NDST4: variants seen among roughly 807,000 people sequenced by gnomAD.
NDST4 encodes N-deacetylase and N-sulfotransferase 4.
Under a neutral mutation model 100.8 loss-of-function variants are expected in NDST4, and 63 were observed. That is an observed-to-expected ratio of 0.62 (90% CI 0.51 to 0.77). The LOEUF (loss-of-function observed/expected upper bound fraction) is 0.77. Among genes scored for constraint, NDST4 ranks in the 30% least tolerant of loss-of-function variants. The pLI is 0.00. For synonymous variants in NDST4, 377 were observed against 361.8 expected (o/e 1.04, Z -0.48); for missense variants, 943 against 1,018.4 (o/e 0.93, Z 1.01).
At chr4:115,098,941 C>T (rs1020309300) in intron 1 of NDST4, among the ~76,000 whole-genome samples, 1 of 152,160 alleles carries the variant, frequency 6.6e-6, no homozygotes, top group Non-Finnish European at 1.5e-5. Flanking sequence ...TTCCTGGGCT[C>T]AAGCAGTCCT....
Position 115,076,796 on chromosome 4 carries a change from G to A in NDST4, c.241C>T (p.Leu81Phe). 1.2e-6 allele frequency: 2 copies of A among 1,613,948 alleles called. No individual in the cohort carries two copies. Among genetic ancestry groups the A allele is most frequent in the Non-Finnish European group, 1.7e-6 (2 of 1,179,918 alleles). ...IDTSKTDPTV[L>F]LFVESQYSQL... ...GAGTATTGGCTCTCCACGAAGAGAA[G>A]GACAGTAGGGTCCGTTTTGGATGTG... Residue 81 changes from leucine (L) to phenylalanine (F), a missense_variant, in exon 2 of 14, where the codon CTT (leucine) becomes TTT (phenylalanine). Leu to Phe is a conservative substitution (Grantham distance 22). Transcript: ENST00000264363.
intron 7 of NDST4, among the ~76,000 whole-genome samples, chr4:114,862,185 AC>A (rs1399104039): frequency 2.0e-5 from 3 of 152,174 alleles, no homozygotes; most frequent in Non-Finnish European, 4.4e-5. Flanking sequence ...TTGAAAACAA[AC>A]ATAATGTTAA....
chr4:114,986,830 A>ATATATATTTATTTATTTATT (rs1553959396), intron 2 of NDST4, among the ~76,000 whole-genome samples: 4 of 91,966 alleles, frequency 4.3e-5, no homozygotes, highest in African/African-American at 1.3e-4. Context: ...ATATATATAT[A>ATATATATTTATTTATTTATT]TATTTTAATA....
At chr4:115,082,744 C>T (rs1373658630) in intron 1 of NDST4, among the ~76,000 whole-genome samples, 1 of 151,968 alleles carries the variant, frequency 6.6e-6, no homozygotes, top group Admixed American at 6.6e-5. Context: ...TAAGATTAAA[C>T]TACTAATGAT....
At chr4:115,048,207 G>T (rs898888076) in intron 2 of NDST4, among the ~76,000 whole-genome samples, 3 of 151,828 alleles carry the variant, frequency 2.0e-5, no homozygotes, top group African/African-American at 7.3e-5. Flanking sequence ...TAGCCATGCA[G>T]ACTTTTTAAG....
At chr4:114,880,798 A>G (rs1267211013) in intron 6 of NDST4, among the ~76,000 whole-genome samples, 4 of 152,286 alleles carry the variant, frequency 2.6e-5, no homozygotes, top group East Asian at 3.9e-4. Context: ...GTTCTATAAT[A>G]TCACACAGCT....
chr4:115,111,157 A>C (rs747419594), intron 1 of NDST4, among the ~76,000 whole-genome samples: 47 of 151,970 alleles, frequency 3.1e-4, no homozygotes, highest in Non-Finnish European at 5.2e-4. Context: ...CAGAAAGTAC[A>C]AGGGGATCAT....
At position 114,845,893 on chromosome 4, in the gene NDST4, G is replaced by C. The variant is rs773948885; in HGVS notation, c.2045C>G (p.Ser682Cys). ...HSEEAPRRAA[S>C]LVPKAKIITI... is the part of the protein sequence containing the mutation. Reference sequence around the variant, plus strand: ...GATGATCTTGGCTTTGGGGACAAGAGATGCGGCTCGTCTTGGAGCTTCTTC... The same window carrying C: ...GATGATCTTGGCTTTGGGGACAAGACATGCGGCTCGTCTTGGAGCTTCTTC... The change falls in exon 10 of 14, where the codon TCT becomes TGT. Residue 682 changes from serine to cysteine, a missense_variant. This residue lies in a region of NDST4 where 526 missense variants were observed against 634.1 expected (regional missense o/e 0.83). Coordinates refer to ENST00000264363, the MANE Select transcript of NDST4 (RefSeq NM_022569.3). The C allele has an allele frequency of 5.6e-6, 9 of 1,613,994 alleles. No individual in the cohort carries two copies. The South Asian group carries it at 9.9e-5, about 18-fold the overall frequency.
intron 7 of NDST4, among the ~76,000 whole-genome samples, chr4:114,861,458 G>A (rs748488760): frequency 1.7e-4 from 26 of 152,000 alleles, no homozygotes; most frequent in Non-Finnish European, 3.1e-4. Context: ...AGATTAGTTA[G>A]GCAAGATTAG....
intron 2 of NDST4, among the ~76,000 whole-genome samples, chr4:115,062,298 C>T (rs919253481): frequency 1.4e-4 from 21 of 151,756 alleles, no homozygotes; most frequent in African/African-American, 5.1e-4. Flanking sequence ...AAGAATATAC[C>T]ATAAGCAAAA....
intron 1 of NDST4, among the ~76,000 whole-genome samples, chr4:115,102,967 C>G (rs1729763990): frequency 6.6e-6 from 1 of 152,030 alleles, no homozygotes; most frequent in Non-Finnish European, 1.5e-5. Flanking sequence ...CTGAGCCTCC[C>G]AAAGTCCTGG....
chr4:115,091,013 TG>T (rs1470002414), intron 1 of NDST4, among the ~76,000 whole-genome samples: 1 of 152,152 alleles, frequency 6.6e-6, no homozygotes, highest in Admixed American at 6.6e-5. Flanking sequence ...TTGTTACTGT[TG>T]TGCACAAAAG....
At chr4:114,952,463 A>G (rs2126232575) in intron 4 of NDST4, among the ~76,000 whole-genome samples, 1 of 152,234 alleles carries the variant, frequency 6.6e-6, no homozygotes, top group African/African-American at 2.4e-5. Flanking sequence ...CTGTCTAAGG[A>G]AAATTCTTTC....
intron 1 of NDST4, among the ~76,000 whole-genome samples, chr4:115,096,464 G>C (rs180757901): frequency 6.6e-6 from 1 of 151,570 alleles, no homozygotes; most frequent in Admixed American, 6.6e-5. Context: ...TGATAATCTT[G>C]CTTTCTATTT....
rs535003941 is a variant in NDST4, at chr4:114,960,470, G to T, written c.1221+9960C>A. The stretch of plus-strand genomic sequence containing the variant: ...AAAATACAAAAATTAGCTGGGTGTG[G>T]TGGCAGGTGCCTGTAATCCCAGCTA... On this transcript the variant is annotated intron_variant, in intron 4 of 13. Transcript: ENST00000264363. Among the ~76,000 whole-genome samples, 12 of 152,180 alleles carry T rather than the reference G, an allele frequency of 7.9e-5. No homozygotes were observed. The East Asian group carries it at 2.3e-3, about 29-fold the overall frequency.
At chr4:114,912,588 T>C (rs367774134) in intron 6 of NDST4, among the ~76,000 whole-genome samples, 11 of 152,142 alleles carry the variant, frequency 7.2e-5, no homozygotes, top group African/African-American at 1.9e-4. Context: ...GAATTAAACC[T>C]TCAAAGAAAA....
chr4:114,934,013 T>C (rs1371229238), intron 6 of NDST4, among the ~76,000 whole-genome samples: 5 of 152,176 alleles, frequency 3.3e-5, no homozygotes, highest in East Asian at 3.9e-4. Flanking sequence ...GAAATGAAAT[T>C]AGTGTGTTCA....
At position 114,844,037 on chromosome 4, in the gene NDST4, G is replaced by A. The variant is rs150219838; in HGVS notation, c.2115+1786C>T. Among the ~76,000 whole-genome samples the A allele has an allele frequency of 2.2e-4, 32 of 148,272 alleles. No individual in the cohort carries two copies. In the East Asian group the frequency reaches 6.3e-3, roughly 29 times the overall value. ...GATTCTTTTTTCATGGGAATGTGTG[G>A]CCATCATCTAGGGCCCACATTGGAA... On this transcript the variant is annotated intron_variant, in intron 10 of 13. Transcript: ENST00000264363.
In NDST4 at chr4:114,870,913, T is replaced by C; in HGVS notation, c.1574A>G (p.Asn525Ser). Residue 525 changes from asparagine (N) to serine (S), a missense_variant, in exon 7 of 14, where the codon AAT becomes AGT. By Grantham distance (46) the Asn-to-Ser change is conservative (BLOSUM62 1). Around this residue, in one of 2 missense-constraint regions of NDST4, gnomAD observed 526 missense variants for 634.1 expected, o/e 0.83. Coordinates refer to ENST00000264363, the MANE Select transcript of NDST4 (RefSeq NM_022569.3). ...IFMTHLSNYG[N>S]DRLGLYTFVN... is the part of the protein sequence containing the mutation. ...AAAGGTATATAACCCTAGGCGGTCATTTCCATAGTTTGATAAATGGGTCAT... is the reference window on the plus strand; with the variant it reads ...AAAGGTATATAACCCTAGGCGGTCACTTCCATAGTTTGATAAATGGGTCAT... The C allele has an allele frequency of 6.2e-7, 1 of 1,608,566 alleles. No homozygotes were observed. The highest frequency in any genetic ancestry group is 8.5e-7 in the Non-Finnish European group (1 of 1,177,800).
Sources: gnomAD v4.1 joint callset for allele counts (sites outside exome capture counted in the v4.1 genomes callset) on GRCh38, gnomAD v4.1.1 for gene constraint, gnomAD v4.1.1 regional missense constraint, MANE v1.5 for transcripts, NCBI Gene and HGNC (gene_info 2026-07-23, HGNC 2026-07-21) for gene names.